Variants in GRIN2B observed in about 807,000 individuals in gnomAD.
The protein encoded by GRIN2B is glutamate ionotropic receptor NMDA type subunit 2B.
Under a neutral mutation model 114.5 loss-of-function variants are expected in GRIN2B, and 5 were observed. That is an observed-to-expected ratio of 0.04 (90% CI 0.02 to 0.09). The LOEUF is 0.09. Among genes scored for constraint, GRIN2B ranks in the 10% least tolerant of loss-of-function variants. The pLI, the probability that GRIN2B is intolerant of heterozygous loss-of-function variation, is 1.00. For missense variants in GRIN2B, 1,108 were observed against 1,943.5 expected (o/e 0.57, Z 8.08); for synonymous variants, 787 against 745.1 (o/e 1.06, Z -0.92).
At chr12:13,880,713 G>A (rs1260593411) in intron 2 of GRIN2B, among the ~76,000 whole-genome samples, 1 of 152,166 alleles carries the variant, frequency 6.6e-6, no homozygotes, top group Non-Finnish European at 1.5e-5. Context: ...TAATATTCAT[G>A]GAAACAGTTT....
At chr12:13,869,241 C>CTT (rs377460231) in intron 2 of GRIN2B, among the ~76,000 whole-genome samples, 3,733 of 127,318 alleles carry the variant, frequency 0.029, 89 homozygotes, top group Middle Eastern at 0.061. Flanking sequence ...CTTTTTTTTT[C>CTT]TTTTTTTTTT....
chr12:13,814,331 A>T, intron 3 of GRIN2B, among the ~76,000 whole-genome samples: 1 of 152,260 alleles, frequency 6.6e-6, no homozygotes, highest in East Asian at 1.9e-4. Context: ...ATGTTTAGCC[A>T]TTAGGGTTGG....
At chr12:13,979,023 A>G (rs531377394) in intron 2 of GRIN2B, among the ~76,000 whole-genome samples, 5 of 152,210 alleles carry the variant, frequency 3.3e-5, no homozygotes, top group Non-Finnish European at 5.9e-5. Flanking sequence ...TCTTTGTTTA[A>G]CACAAAGACT....
chr12:13,745,143 C>T (rs189514717), intron 4 of GRIN2B, among the ~76,000 whole-genome samples: 6 of 152,246 alleles, frequency 3.9e-5, no homozygotes, highest in African/African-American at 1.2e-4. Context: ...TCTCTGCTCT[C>T]GGGAAGCTCA....
chr12:13,881,904 T>C (rs1194370104), intron 2 of GRIN2B, among the ~76,000 whole-genome samples: 3 of 152,168 alleles, frequency 2.0e-5, no homozygotes, highest in Non-Finnish European at 4.4e-5. Flanking sequence ...GGAACATACC[T>C]GATTCAGTCT....
chr12:13,797,974 TAAG>T lies in GRIN2B; in HGVS notation c.412-44062_412-44060del, dbSNP rs1264671955. Among the ~76,000 whole-genome samples, 6 of 152,308 alleles carry T rather than the reference TAAG, an allele frequency of 3.9e-5. No homozygotes were observed. The South Asian group carries it at 1.2e-3, about 32-fold the overall frequency. ...ATAATCACTTGCAGACTTCAGTTTG[TAAG>T]AAGACTTTCTACCTGCTCAAAGTCA... On this transcript the variant is annotated intron_variant, in intron 3 of 13. Transcript: ENST00000609686.
At chr12:13,780,614 A>G (rs1591726584) in intron 3 of GRIN2B, among the ~76,000 whole-genome samples, 1 of 152,222 alleles carries the variant, frequency 6.6e-6, no homozygotes, top group African/African-American at 2.4e-5. Context: ...AAGGGAATGT[A>G]AAGAATCCAG....
At chr12:13,919,467 T>G (rs556124409) in intron 2 of GRIN2B, among the ~76,000 whole-genome samples, 1 of 152,244 alleles carries the variant, frequency 6.6e-6, no homozygotes, top group Non-Finnish European at 1.5e-5. Context: ...ATATGTACTT[T>G]TGGAATGACC....
intron 5 of GRIN2B, among the ~76,000 whole-genome samples, chr12:13,621,927 A>C (rs1034047059): frequency 2.6e-5 from 4 of 152,124 alleles, no homozygotes; most frequent in Admixed American, 6.5e-5. Flanking sequence ...AAGACCACAG[A>C]GACTGTGTTC....
intron 5 of GRIN2B, among the ~76,000 whole-genome samples, chr12:13,669,061 C>T (rs1048935710): frequency 3.3e-5 from 5 of 151,460 alleles, no homozygotes; most frequent in African/African-American, 9.7e-5. Context: ...ATTTAGTTCA[C>T]GCATTGTTGC....
chr12:13,606,414 G>A (rs1949248383), intron 10 of GRIN2B, among the ~76,000 whole-genome samples: 1 of 152,084 alleles, frequency 6.6e-6, no homozygotes, highest in Admixed American at 6.6e-5. Flanking sequence ...CAGCTGTTGG[G>A]GGAATTCTCA....
At chr12:13,751,451 T>C (rs957197973) in intron 4 of GRIN2B, among the ~76,000 whole-genome samples, 12 of 152,094 alleles carry the variant, frequency 7.9e-5, no homozygotes, top group Middle Eastern at 3.2e-3. Flanking sequence ...TGGGATGTTG[T>C]AGGAGAGATG....
intron 2 of GRIN2B, among the ~76,000 whole-genome samples, chr12:13,923,865 G>C (rs1001029300): frequency 2.0e-5 from 3 of 152,080 alleles, no homozygotes; most frequent in African/African-American, 7.2e-5. Context: ...TTCTACCATT[G>C]AACAAACACC....
chr12:13,881,216 G>C (rs947563065), intron 2 of GRIN2B, among the ~76,000 whole-genome samples: 1 of 151,984 alleles, frequency 6.6e-6, no homozygotes, highest in Non-Finnish European at 1.5e-5. Flanking sequence ...TTTTTCTGCT[G>C]TTCTAATTTT....
intron 3 of GRIN2B, among the ~76,000 whole-genome samples, chr12:13,827,731 G>C (rs564887676): frequency 6.6e-6 from 1 of 152,020 alleles, no homozygotes; most frequent in Non-Finnish European, 1.5e-5. Flanking sequence ...GCCCAGGGTG[G>C]AGTGCGGTGG....
At chr12:13,930,641 A>G (rs984942317) in intron 2 of GRIN2B, among the ~76,000 whole-genome samples, 1 of 152,224 alleles carries the variant, frequency 6.6e-6, no homozygotes, top group African/African-American at 2.4e-5. Flanking sequence ...ACTTCCACAG[A>G]ATGTATGAAG....
At chr12:13,927,868 G>C (rs987303737) in intron 2 of GRIN2B, among the ~76,000 whole-genome samples, 1 of 150,098 alleles carries the variant, frequency 6.7e-6, no homozygotes, top group South Asian at 2.1e-4. Flanking sequence ...TCAGGAGGCT[G>C]AGGTGGGAGG....
intron 2 of GRIN2B, among the ~76,000 whole-genome samples, chr12:13,873,665 C>T (rs11055657): frequency 6.6e-6 from 1 of 152,026 alleles, no homozygotes. Context: ...GAGTCTGGGG[C>T]ATGGAGGCAG....
chr12:13,940,458 A>G (rs1591632763), intron 2 of GRIN2B, among the ~76,000 whole-genome samples: 1 of 150,702 alleles, frequency 6.6e-6, no homozygotes, highest in African/African-American at 2.4e-5. Flanking sequence ...ACACACGCAC[A>G]CACACGTACA....
Sources: allele counts gnomAD v4.1 joint callset (sites outside exome capture counted in the v4.1 genomes callset), GRCh38; gene constraint gnomAD v4.1.1; transcripts MANE v1.5; gene names NCBI Gene and HGNC (gene_info 2026-07-23, HGNC 2026-07-21).